EXOC2: variants seen among roughly 807,000 people sequenced by gnomAD.
EXOC2 encodes the protein exocyst complex component 2.
In EXOC2, 70 loss-of-function variants were observed where a neutral mutation model predicts 131.8. The observed-to-expected ratio is 0.53, with a 90% CI of 0.44 to 0.65. The LOEUF (loss-of-function observed/expected upper bound fraction) is 0.65. EXOC2 is among the 30% of genes least tolerant of loss of function. The pLI is 0.00. For synonymous variants in EXOC2, 411 were observed against 398.4 expected (o/e 1.03, Z -0.38); for missense variants, 923 against 1,108.6 (o/e 0.83, Z 2.38).
In EXOC2 at chr6:632,905, C is replaced by T. The variant is rs375943155; in HGVS notation, c.295+36G>A. On this transcript the variant is annotated intron_variant, in intron 3 of 27. Coordinates refer to ENST00000230449, the MANE Select transcript of EXOC2 (RefSeq NM_018303.6). Reference sequence around the variant, plus strand: ...AGCTTAAAAGACAAACTCATTTTTACTTTCTTCTTTAGAATAAACCCATGA... The same window carrying T: ...AGCTTAAAAGACAAACTCATTTTTATTTTCTTCTTTAGAATAAACCCATGA... 2.1e-5 allele frequency: 32 copies of T among 1,560,040 alleles called. No homozygotes were observed. In the African/African-American group the frequency reaches 4.1e-4, roughly 20 times the overall value.
rs34753404 is a variant in EXOC2 at position 534,433 on chromosome 6, C to CAGAGAGAG, written c.2239-1831_2239-1824dup. 4.0e-5 allele frequency among the ~76,000 whole-genome samples: 6 copies of CAGAGAGAG among 148,600 alleles called. No homozygotes were observed. In the East Asian group the frequency reaches 7.8e-4, roughly 19 times the overall value. On this transcript the variant is annotated intron_variant, in intron 22 of 27. Transcript: ENST00000230449. Reference sequence around the variant, plus strand: ...ACATTTACTCTAAATGAGAGAGAGACAGAGAGAGAGAGAGAGAGAGAGACA... The same window carrying CAGAGAGAG: ...ACATTTACTCTAAATGAGAGAGAGACAGAGAGAGAGAGAGAGAGAGAGAGAGAGAGACA...
intron 7 of EXOC2, among the ~76,000 whole-genome samples, chr6:607,068 T>C (rs1006572978): frequency 9.9e-5 from 15 of 152,210 alleles, no homozygotes; most frequent in African/African-American, 3.6e-4. Context: ...CCAGAGCACC[T>C]GTCATTTACA....
chr6:601,142 G>C (rs955570007), intron 7 of EXOC2, among the ~76,000 whole-genome samples: 3 of 152,214 alleles, frequency 2.0e-5, no homozygotes, highest in Non-Finnish European at 2.9e-5. Flanking sequence ...ATGTGAGGCT[G>C]ATGTCACAGA....
At chr6:655,931 T>C (rs1200920113) in intron 1 of EXOC2, 1 of 540,250 alleles carries the variant, frequency 1.9e-6, no homozygotes, top group African/African-American at 1.9e-5. Context: ...AAACATGAAC[T>C]ACCCAACTGT....
At chr6:551,470 T>G (rs533258547) in intron 21 of EXOC2, among the ~76,000 whole-genome samples, 1 of 152,146 alleles carries the variant, frequency 6.6e-6, no homozygotes. Flanking sequence ...CAGAGACACA[T>G]GTGAGGTGCC....
chr6:651,725 CAGA>C (rs1244466565), intron 1 of EXOC2, among the ~76,000 whole-genome samples: 1 of 151,538 alleles, frequency 6.6e-6, no homozygotes, highest in Non-Finnish European at 1.5e-5. Flanking sequence ...CTCATGAGGG[CAGA>C]AGATTTTTTA....
chr6:610,000 C>A, intron 7 of EXOC2, 98 bp downstream of exon 7: 1 of 935,232 alleles, frequency 1.1e-6, no homozygotes, highest in Non-Finnish European at 1.6e-6. Flanking sequence ...TAGTAAAATG[C>A]AACTTACTGC....
At chr6:567,169 C>A (rs1758009923) in intron 13 of EXOC2, among the ~76,000 whole-genome samples, 1 of 152,232 alleles carries the variant, frequency 6.6e-6, no homozygotes, top group Non-Finnish European at 1.5e-5. Context: ...CTGTTCCCCG[C>A]CCCATGGCCT....
chr6:564,476 TATTA>T (rs774871163), intron 15 of EXOC2, 65 bp downstream of exon 15: 126 of 1,580,232 alleles, frequency 8.0e-5, no homozygotes, highest in Non-Finnish European at 1.0e-4. Context: ...TCACTGAATG[TATTA>T]ATTCTTTCCA....
intron 17 of EXOC2, among the ~76,000 whole-genome samples, chr6:558,528 T>C (rs1161863722): frequency 2.0e-5 from 3 of 152,154 alleles, no homozygotes; most frequent in African/African-American, 4.8e-5. Context: ...ATGTTGATGT[T>C]TGGCCAGGTG....
intron 23 of EXOC2, among the ~76,000 whole-genome samples, chr6:531,858 T>A (rs1333843404): frequency 6.6e-6 from 1 of 152,262 alleles, no homozygotes; most frequent in Non-Finnish European, 1.5e-5. Flanking sequence ...GAAACAACTA[T>A]TTGATCAATC....
chr6:507,125 TACACACACACATACAC>T (rs1486045109), intron 23 of EXOC2, among the ~76,000 whole-genome samples: 11 of 43,070 alleles, frequency 2.6e-4, no homozygotes, highest in Non-Finnish European at 4.3e-4. Flanking sequence ...ACTACACACA[TACACACACACATACAC>T]ACACACACAC....
chr6:528,495 C>T (rs1561818690), intron 23 of EXOC2, among the ~76,000 whole-genome samples: 1 of 152,068 alleles, frequency 6.6e-6, no homozygotes, highest in African/African-American at 2.4e-5. Flanking sequence ...ATCATGAAGT[C>T]AAAACTACAC....
intron 1 of EXOC2, among the ~76,000 whole-genome samples, chr6:687,290 C>A (rs1332470583): frequency 7.0e-6 from 1 of 142,454 alleles, no homozygotes; most frequent in East Asian, 2.3e-4. Flanking sequence ...AAGTGATCCT[C>A]CCACTTCAGC....
chr6:499,472 CAG>C (rs1180682334), intron 24 of EXOC2, among the ~76,000 whole-genome samples, 171 bp downstream of exon 24: 10 of 146,928 alleles, frequency 6.8e-5, no homozygotes, highest in Non-Finnish European at 1.2e-4. Context: ...CACACACACA[CAG>C]AGACAGAGAG....
chr6:672,780 G>T (rs1413290038), intron 1 of EXOC2, among the ~76,000 whole-genome samples: 4 of 152,160 alleles, frequency 2.6e-5, no homozygotes, highest in African/African-American at 9.7e-5. Flanking sequence ...TCCTTATTGT[G>T]AGGATTCGAG....
intron 23 of EXOC2, among the ~76,000 whole-genome samples, chr6:531,432 T>G (rs1389253884): frequency 6.6e-6 from 1 of 152,258 alleles, no homozygotes; most frequent in African/African-American, 2.4e-5. Flanking sequence ...GAAAAGCACA[T>G]GAGGAATAAG....
At chr6:520,788 A>G (rs71545195) in intron 23 of EXOC2, among the ~76,000 whole-genome samples, 5,712 of 85,664 alleles carry the variant, frequency 0.067, 511 homozygotes, top group Middle Eastern at 0.15. Flanking sequence ...ACCGAGCACC[A>G]ACACTCACCG....
chr6:622,166 T>C (rs1761325067), intron 4 of EXOC2, among the ~76,000 whole-genome samples: 1 of 152,238 alleles, frequency 6.6e-6, no homozygotes, highest in Non-Finnish European at 1.5e-5. Context: ...CTGCAGACCA[T>C]GTTTCTGTCG....
Sources: allele counts gnomAD v4.1 joint callset (sites outside exome capture counted in the v4.1 genomes callset), GRCh38; gene constraint gnomAD v4.1.1; transcripts MANE v1.5; gene names NCBI Gene and HGNC (gene_info 2026-07-23, HGNC 2026-07-21).